GPR137B: variants seen among roughly 807,000 people sequenced by gnomAD.
GPR137B encodes the protein integral membrane protein GPR137B.
A neutral mutation model predicts 42.5 loss-of-function variants in GPR137B; 42 were observed. That is an observed-to-expected ratio of 0.99 (90% confidence interval 0.77 to 1.28). The LOEUF is 1.28. Among genes scored for constraint, GPR137B ranks in the 50% most tolerant of loss-of-function variants. The probability of loss-of-function intolerance (pLI) is 0.00; values close to 1 mark genes in which losing one functional copy is unlikely to be tolerated. For missense variants in GPR137B, 487 were observed against 493.9 expected, an observed-to-expected ratio of 0.99 and a Z score of 0.13; for synonymous variants, 218 against 209.7, an observed-to-expected ratio of 1.04 and a Z score of -0.34.
chr1:236,164,075 A>G (rs187582147), intron 1 of GPR137B, among the ~76,000 whole-genome samples: 1 of 151,318 alleles, frequency 6.6e-6, no homozygotes. Flanking sequence ...ATGCCTCCCC[A>G]CACCTCTCAC....
At chr1:236,146,412 G>C (rs1284871821) in intron 1 of GPR137B, among the ~76,000 whole-genome samples, 1 of 152,160 alleles carries the variant, frequency 6.6e-6, no homozygotes, top group African/African-American at 2.4e-5. Flanking sequence ...GAAGTCGTGG[G>C]GGCAGTTTGG....
chr1:236,188,496 G>C (rs1296853985), intron 5 of GPR137B, among the ~76,000 whole-genome samples: 1 of 152,058 alleles, frequency 6.6e-6, no homozygotes, highest in Non-Finnish European at 1.5e-5. Context: ...ACATTCCATC[G>C]ATACCTAGTT....
In GPR137B at chr1:236,150,124, CGTGTGCCTGT is replaced by C. The variant is rs1470511782; in HGVS notation, c.414+7094_414+7103del. Among the ~76,000 whole-genome samples, 7 of 121,314 alleles carry C rather than the reference CGTGTGCCTGT, an allele frequency of 5.8e-5. No individual in the cohort carries two copies. Among genetic ancestry groups the C allele is most frequent in the East Asian group, 2.5e-4 (1 of 3,996 alleles). The allele number at this position is 121,314 out of a possible 152,430, so 79.6% of individuals were successfully genotyped here. On this transcript the variant is annotated intron_variant, in intron 1 of 6. Transcript: ENST00000366592. This position sits in a 1 kb window ranked among gnomAD's most constrained non-coding sequence, Gnocchi z 6.2. ...CTGTGCCTGTGTATGTCTGTGCCTG[CGTGTGCCTGT>C]GTGTGTGCCTCTGTTTGTGTCTGTG...
intron 5 of GPR137B, among the ~76,000 whole-genome samples, chr1:236,204,031 A>G (rs1429715043): frequency 6.6e-6 from 1 of 152,210 alleles, no homozygotes; most frequent in Non-Finnish European, 1.5e-5. Flanking sequence ...CCTATTCAGT[A>G]TGATACTAGC....
At chr1:236,143,905 CCGT>C (rs950854822) in intron 1 of GPR137B, among the ~76,000 whole-genome samples, 8 of 152,156 alleles carry the variant, frequency 5.3e-5, no homozygotes, top group African/African-American at 1.7e-4. Flanking sequence ...CGCGGTGCCG[CCGT>C]CATCATCGTC....
In GPR137B at chr1:236,157,298, C is replaced by T. The variant is rs146472323; in HGVS notation, c.415-11408C>T. Among the ~76,000 whole-genome samples, 663 of 151,814 alleles carry T rather than the reference C, an allele frequency of 4.4e-3. 2 individuals carry two copies. The highest frequency in any genetic ancestry group is 6.0e-3 in the Non-Finnish European group (407 of 67,988). On this transcript the variant is annotated intron_variant, in intron 1 of 6. Transcript: ENST00000366592. ...GGAGTGCAGTGGCGCGATCTCTGCT[C>T]ACTGCAAGCTCCGCCTCCTGGTTCA...
chr1:236,185,919 C>G, intron 5 of GPR137B, among the ~76,000 whole-genome samples: 1 of 151,760 alleles, frequency 6.6e-6, no homozygotes, highest in Non-Finnish European at 1.5e-5. Context: ...CTGTCATTCC[C>G]CATTTCCTTT....
chr1:236,154,324 T>C (rs1260262877), intron 1 of GPR137B, among the ~76,000 whole-genome samples: 2 of 152,128 alleles, frequency 1.3e-5, no homozygotes, highest in African/African-American at 4.8e-5. Context: ...ACAGCACGCG[T>C]CATCCGTCCC....
intron 5 of GPR137B, among the ~76,000 whole-genome samples, chr1:236,199,308 T>A (rs2102924069): frequency 6.6e-6 from 1 of 152,330 alleles, no homozygotes; most frequent in South Asian, 2.1e-4. Context: ...GCTATTAATA[T>A]TTTGTTGAGG....
intron 2 of GPR137B, among the ~76,000 whole-genome samples, chr1:236,169,976 G>T (rs914270355): frequency 2.7e-5 from 4 of 149,366 alleles, no homozygotes; most frequent in Non-Finnish European, 4.4e-5. Flanking sequence ...GGAGGCAGAG[G>T]TTGCAGTAAG....
rs1178259742 is a variant in GPR137B, at chr1:236,156,851, G to GA, written c.415-11853dup. On this transcript the variant is annotated intron_variant, in intron 1 of 6. Coordinates refer to ENST00000366592, the MANE Select transcript of GPR137B (RefSeq NM_003272.4). This position sits in a 1 kb window ranked among gnomAD's most constrained non-coding sequence, Gnocchi z 4.8. ...CAGAGGGACCAGGAGAGCAAATATC[G>GA]AATGCGTCAGTGGTTCTTAACCTTT... is the stretch of plus-strand genomic sequence containing the variant. Among the ~76,000 whole-genome samples the GA allele has an allele frequency of 2.0e-5, 3 of 152,168 alleles. No individual in the cohort carries two copies. Among genetic ancestry groups the GA allele is most frequent in the East Asian group, 1.9e-4 (1 of 5,202 alleles).
At chr1:236,169,115 G>T (rs1292785694) in intron 2 of GPR137B, among the ~76,000 whole-genome samples, 1 of 152,236 alleles carries the variant, frequency 6.6e-6, no homozygotes, top group African/African-American at 2.4e-5. Context: ...GTTCCTTGAA[G>T]ATGCAGTGCT....
chr1:236,167,102 C>T (rs1662381525), intron 1 of GPR137B, among the ~76,000 whole-genome samples: 1 of 152,192 alleles, frequency 6.6e-6, no homozygotes, highest in Non-Finnish European at 1.5e-5. Context: ...TGTGAGTCTT[C>T]TTTCCCCGCC....
At chr1:236,167,438 T>C (rs928048949) in intron 1 of GPR137B, among the ~76,000 whole-genome samples, 1 of 152,016 alleles carries the variant, frequency 6.6e-6, no homozygotes, top group East Asian at 1.9e-4. Flanking sequence ...CCCGCTTATA[T>C]GTGGAATCCA....
At chr1:236,168,674 C>T (rs1270567483) in intron 1 of GPR137B, 32 bp from the exon 2 acceptor site, 1 of 1,586,498 alleles carries the variant, frequency 6.3e-7, no homozygotes, top group Non-Finnish European at 8.7e-7. Flanking sequence ...ACATATTGGA[C>T]CCCAACCTGC....
intron 1 of GPR137B, among the ~76,000 whole-genome samples, chr1:236,166,835 A>C (rs1662374771): frequency 6.6e-6 from 1 of 151,854 alleles, no homozygotes; most frequent in South Asian, 2.1e-4. Context: ...TTTTTTTAAG[A>C]GCTGAGGCCT....
intron 4 of GPR137B, among the ~76,000 whole-genome samples, chr1:236,182,418 C>A (rs55713617): frequency 0.076 from 11,586 of 152,024 alleles, 1,312 homozygotes; most frequent in African/African-American, 0.25. Flanking sequence ...AGTGGCCATT[C>A]TTTCTTTACT....
At chr1:236,157,286 G>A (rs1380723111) in intron 1 of GPR137B, among the ~76,000 whole-genome samples, 1 of 151,220 alleles carries the variant, frequency 6.6e-6, no homozygotes, top group Non-Finnish European at 1.5e-5. Flanking sequence ...GTGCAGTGGC[G>A]CGATCTCTGC....
At position 236,150,525 on chromosome 1, in the gene GPR137B, G is replaced by A. The variant is rs552728950; in HGVS notation, c.414+7489G>A. ...GTGCCTCGGTGATGCCCTGCCAACC[G>A]AGGGGGAACTAAATCCTGTTAATGC... is the stretch of plus-strand genomic sequence containing the variant. On this transcript the variant is annotated intron_variant, in intron 1 of 6. Coordinates refer to ENST00000366592, the MANE Select transcript of GPR137B (RefSeq NM_003272.4). The surrounding 1 kb of genome is among the most constrained non-coding windows in gnomAD (Gnocchi z 6.2). Among the ~76,000 whole-genome samples the A allele has an allele frequency of 6.6e-6, 1 of 152,230 alleles. No homozygotes were observed. The highest frequency in any genetic ancestry group is 2.1e-4 in the South Asian group (1 of 4,822).
Sources: gnomAD v4.1 joint callset for allele counts (sites outside exome capture counted in the v4.1 genomes callset) on GRCh38, gnomAD v4.1.1 for gene constraint, Gnocchi (gnomAD v3.1) non-coding constraint, MANE v1.5 for transcripts, NCBI Gene and HGNC (gene_info 2026-07-23, HGNC 2026-07-21) for gene names.